RPS6KA2: variants seen among roughly 807,000 people sequenced by gnomAD.
RPS6KA2 encodes the protein ribosomal protein S6 kinase A2, also known as ribosomal protein S6 kinase alpha-2.
RPS6KA2 carries 42 observed loss-of-function variants against 91.8 expected under a neutral mutation model. That is an observed-to-expected ratio of 0.46 (90% CI 0.36 to 0.59). The LOEUF is 0.59. Among genes scored for constraint, RPS6KA2 ranks in the 20% least tolerant of loss-of-function variants. The pLI is 0.00. For missense variants in RPS6KA2, 798 were observed against 978.5 expected, an observed-to-expected ratio of 0.82 and a Z score of 2.46; for synonymous variants, 414 against 393.6, an observed-to-expected ratio of 1.05 and a Z score of -0.61.
intron 19 of RPS6KA2, among the ~76,000 whole-genome samples, chr6:166,414,671 A>G (rs75271980): frequency 0.017 from 2,665 of 152,338 alleles, 78 homozygotes; most frequent in African/African-American, 0.061. Context: ...AGATGAAGAC[A>G]TTACTGCCTG....
intron 2 of RPS6KA2, among the ~76,000 whole-genome samples, chr6:166,811,364 A>G (rs1045498021): frequency 1.8e-4 from 27 of 152,162 alleles, no homozygotes; most frequent in African/African-American, 6.5e-4. Flanking sequence ...TGTTTATCCT[A>G]AGGTCATAAT....
chr6:166,708,577 C>T (rs1789757716), intron 2 of RPS6KA2, among the ~76,000 whole-genome samples: 1 of 152,204 alleles, frequency 6.6e-6, no homozygotes. Context: ...CCTTGGAACC[C>T]TGGCAAAAGC....
intron 2 of RPS6KA2, among the ~76,000 whole-genome samples, chr6:166,696,088 T>C (rs926065723): frequency 6.6e-6 from 1 of 152,112 alleles, no homozygotes; most frequent in Non-Finnish European, 1.5e-5. Flanking sequence ...ACGAAACCGG[T>C]CCCTGATGTC....
At chr6:166,634,761 C>G (rs1048763591) in intron 2 of RPS6KA2, among the ~76,000 whole-genome samples, 48 of 152,082 alleles carry the variant, frequency 3.2e-4, no homozygotes, top group African/African-American at 1.1e-3. Context: ...GCCACCTTGC[C>G]CAGCTAATTT....
At position 166,572,570 on chromosome 6, in the gene RPS6KA2, GGC is replaced by G. The variant is rs1267556661; in HGVS notation, c.100-33788_100-33787del. ...ATGTTCTCACATAGCTCTCATTGCCGGCTGCTTTCCCTGCCTGTTGCCCTGTG... is the reference window on the plus strand; with the variant it reads ...ATGTTCTCACATAGCTCTCATTGCCGTGCTTTCCCTGCCTGTTGCCCTGTG... On this transcript the variant is annotated intron_variant, in intron 1 of 20. Coordinates refer to ENST00000265678, the MANE Select transcript of RPS6KA2 (RefSeq NM_021135.6). Among the ~76,000 whole-genome samples, 4 of 152,284 alleles carry G rather than the reference GGC, an allele frequency of 2.6e-5. No homozygotes were observed. In the South Asian group the frequency reaches 6.2e-4, roughly 24 times the overall value.
intron 2 of RPS6KA2, among the ~76,000 whole-genome samples, chr6:166,695,949 G>A (rs78928076): frequency 0.06 from 9,182 of 152,248 alleles, 351 homozygotes; most frequent in Non-Finnish European, 0.089. Flanking sequence ...TGTGAACTGC[G>A]CATGCGGGAA....
rs78062398 is a variant in RPS6KA2 at position 166,672,361 on chromosome 6, C to T, written c.124-133577G>A. On this transcript the variant is annotated intron_variant, in intron 2 of 21. Coordinates refer to the RPS6KA2 transcript ENST00000503859. ...GCAGATACTATTCATCTGCTAGATT[C>T]ACAGCAGATAACAAGCATAACCAGT... Among the ~76,000 whole-genome samples the T allele has an allele frequency of 5.7e-3, 863 of 152,258 alleles. 19 individuals carry two copies. In the South Asian group the frequency reaches 0.072, roughly 13 times the overall value.
intron 2 of RPS6KA2, among the ~76,000 whole-genome samples, chr6:166,755,652 C>T (rs369701071): frequency 1.9e-4 from 29 of 152,310 alleles, no homozygotes; most frequent in African/African-American, 6.5e-4. Context: ...CTACCTCCTC[C>T]TTTCCTTCAC....
chr6:166,456,324 A>G (rs1315608141), intron 12 of RPS6KA2, among the ~76,000 whole-genome samples: 2 of 152,362 alleles, frequency 1.3e-5, no homozygotes, highest in East Asian at 3.9e-4. Flanking sequence ...AATTTAAAGC[A>G]CTTTATAATC....
rs185450395 is a variant in RPS6KA2 at position 166,717,995 on chromosome 6, C to A, written c.123+140205G>T. ...TCCCACGTAGCTGGGATTACAGGTG[C>A]CCGCTACCACGCCCAGCTAATTTTT... is the stretch of plus-strand genomic sequence containing the variant. On this transcript the variant is annotated intron_variant, in intron 2 of 21. Transcript: ENST00000503859. 8.8e-3 allele frequency among the ~76,000 whole-genome samples: 1,343 copies of A among 152,150 alleles called. 8 individuals are homozygous for A. The highest frequency in any genetic ancestry group is 0.014 in the Non-Finnish European group (930 of 67,986).
intron 1 of RPS6KA2, among the ~76,000 whole-genome samples, chr6:166,586,700 C>T (rs1785186807): frequency 6.6e-6 from 1 of 152,112 alleles, no homozygotes; most frequent in Non-Finnish European, 1.5e-5. Flanking sequence ...TTTAATAAGG[C>T]CCATGAACTA....
chr6:166,839,092 C>T (rs1240700155), intron 2 of RPS6KA2, among the ~76,000 whole-genome samples: 1 of 152,200 alleles, frequency 6.6e-6, no homozygotes, highest in African/African-American at 2.4e-5. Flanking sequence ...CCCTCCAGAA[C>T]CGTTAGACAA....
chr6:166,757,660 C>G, intron 2 of RPS6KA2: 3 of 454,892 alleles, frequency 6.6e-6, no homozygotes, highest in South Asian at 4.7e-5. Flanking sequence ...CTTTTATCAC[C>G]TTGTGGGCTG....
At chr6:166,510,986 T>C (rs186542653) in intron 3 of RPS6KA2, among the ~76,000 whole-genome samples, 366 of 152,244 alleles carry the variant, frequency 2.4e-3, no homozygotes, top group Non-Finnish European at 4.3e-3. Context: ...TGGTTGCTCA[T>C]TTGCTTTCTA....
At position 166,554,982 on chromosome 6, in the gene RPS6KA2, G is replaced by A. The variant is rs551382401; in HGVS notation, c.100-16198C>T. ...TACAGAGCTAGAATACTGTTCAAGC[G>A]ACAGCAGAAAACATCAGTTCCCTAA... On this transcript the variant is annotated intron_variant, in intron 1 of 20. Transcript: ENST00000265678. The surrounding 1 kb of genome is among the most constrained non-coding windows in gnomAD (Gnocchi z 4.3). Among the ~76,000 whole-genome samples the A allele has an allele frequency of 7.2e-5, 11 of 152,312 alleles. No homozygotes were observed. The highest frequency in any genetic ancestry group is 2.1e-4 in the South Asian group (1 of 4,830).
At chr6:166,799,728 T>C (rs1779315375) in intron 2 of RPS6KA2, among the ~76,000 whole-genome samples, 1 of 151,510 alleles carries the variant, frequency 6.6e-6, no homozygotes, top group Non-Finnish European at 1.5e-5. Context: ...ATATACCTTT[T>C]TCAACTAATA....
chr6:166,783,506 T>G (rs949731448), intron 2 of RPS6KA2, among the ~76,000 whole-genome samples: 1 of 152,086 alleles, frequency 6.6e-6, no homozygotes, highest in Non-Finnish European at 1.5e-5. Context: ...AATTGCTGTC[T>G]CTCTCTAGAT....
rs149808612 is a variant in RPS6KA2 at position 166,557,374 on chromosome 6, T to A, written c.100-18590A>T. Among the ~76,000 whole-genome samples, 648 of 152,346 alleles carry A rather than the reference T, an allele frequency of 4.3e-3. 7 individuals carry two copies. Among genetic ancestry groups the A allele is most frequent in the African/African-American group, 0.015 (626 of 41,586 alleles). ...GCCACCACGTCCCCCACAGACTCAATGGTCAGGTGGCCGGGGTCACTCTGA... is the reference window on the plus strand; with the variant it reads ...GCCACCACGTCCCCCACAGACTCAAAGGTCAGGTGGCCGGGGTCACTCTGA... On this transcript the variant is annotated intron_variant, in intron 1 of 20. Coordinates refer to ENST00000265678, the MANE Select transcript of RPS6KA2 (RefSeq NM_021135.6). The surrounding 1 kb of genome is among the most constrained non-coding windows in gnomAD (Gnocchi z 4.8).
chr6:166,853,790 A>G (rs1780812858), intron 2 of RPS6KA2, among the ~76,000 whole-genome samples: 3 of 152,346 alleles, frequency 2.0e-5, no homozygotes, highest in Middle Eastern at 6.8e-3. Context: ...CAGGGGAGCC[A>G]CGAGCTTGTT....
Sources: gnomAD v4.1 joint callset for allele counts (sites outside exome capture counted in the v4.1 genomes callset) on GRCh38, gnomAD v4.1.1 for gene constraint, Gnocchi (gnomAD v3.1) non-coding constraint, MANE v1.5 for transcripts, NCBI Gene and HGNC (gene_info 2026-07-23, HGNC 2026-07-21) for gene names.